Variants in FMN1 observed in about 807,000 individuals in gnomAD.
FMN1 encodes the protein formin 1, also known as formin-1.
In FMN1, 110 loss-of-function variants were observed where a neutral mutation model predicts 132.4. The observed-to-expected ratio is 0.83, with a 90% CI of 0.71 to 0.97. FMN1 has a LOEUF of 0.97. Ranked by LOEUF, FMN1 falls within the 50% of genes least tolerant of loss-of-function variation. The pLI, the probability that FMN1 is intolerant of heterozygous loss-of-function variation, is 0.00. For missense variants in FMN1, 1,792 were observed against 1,705.3 expected, an observed-to-expected ratio of 1.05 and a Z score of -0.90; for synonymous variants, 722 against 651.7, an observed-to-expected ratio of 1.11 and a Z score of -1.64.
At chr15:32,905,330 G>A (rs1023113952) in intron 12 of FMN1, among the ~76,000 whole-genome samples, 1 of 152,228 alleles carries the variant, frequency 6.6e-6, no homozygotes, top group African/African-American at 2.4e-5. Flanking sequence ...TAGCATAACT[G>A]AATGTTGCAA....
At chr15:32,785,042 G>A (rs934618639) in intron 19 of FMN1, among the ~76,000 whole-genome samples, 6 of 150,690 alleles carry the variant, frequency 4.0e-5, no homozygotes, top group African/African-American at 9.7e-5. Flanking sequence ...GCTCATCCTC[G>A]TTTCCTTTCT....
rs1277283079 is a variant in FMN1, at chr15:32,950,000, TACAC to T, written c.3138+14103_3138+14106del. On this transcript the variant is annotated intron_variant, in intron 9 of 20. Transcript: ENST00000616417. ...ATATACACACACATATATATACACA[TACAC>T]ATATATATATACACATATATATATA... Among the ~76,000 whole-genome samples, 57 of 20,530 alleles carry T rather than the reference TACAC, an allele frequency of 2.8e-3. 3 individuals carry two copies. The highest frequency in any genetic ancestry group is 7.4e-3 in the African/African-American group (28 of 3,800). The allele number at this position is 20,530 out of a possible 152,430, so 13.5% of individuals were successfully genotyped here.
At chr15:33,108,499 A>T (rs978822529) in intron 4 of FMN1, among the ~76,000 whole-genome samples, 1 of 151,670 alleles carries the variant, frequency 6.6e-6, no homozygotes, top group African/African-American at 2.4e-5. Context: ...TGCAAGGTAG[A>T]TAACATAATT....
intron 20 of FMN1, among the ~76,000 whole-genome samples, chr15:32,774,859 A>G (rs529037513): frequency 2.0e-5 from 3 of 152,320 alleles, no homozygotes; most frequent in African/African-American, 7.2e-5. Flanking sequence ...CCGATTTGCC[A>G]TGGATGTTAT....
chr15:32,868,983 GGCCAGGAGTTAGTA>G (rs769202846), intron 16 of FMN1, among the ~76,000 whole-genome samples: 7 of 152,110 alleles, frequency 4.6e-5, no homozygotes, highest in Non-Finnish European at 8.8e-5. Flanking sequence ...TTTCAGACTG[GGCCAGGAGTTAGTA>G]GCCAGGAAAG....
At chr15:32,847,288 A>ATGTGTG (rs35960980) in intron 17 of FMN1, among the ~76,000 whole-genome samples, 13 of 112,168 alleles carry the variant, frequency 1.2e-4, no homozygotes, top group Non-Finnish European at 1.5e-4. Context: ...GTGTGTGTGT[A>ATGTGTG]TGTGTGTGTG....
intron 9 of FMN1, among the ~76,000 whole-genome samples, chr15:32,943,513 G>C (rs538527462): frequency 1.3e-5 from 2 of 152,294 alleles, no homozygotes; most frequent in East Asian, 3.9e-4. Flanking sequence ...CCACTTCTAA[G>C]TCATGGGCTT....
intron 18 of FMN1, among the ~76,000 whole-genome samples, chr15:32,803,906 C>G (rs2141003256): frequency 1.3e-5 from 2 of 152,302 alleles, no homozygotes; most frequent in South Asian, 4.1e-4. Context: ...TGCTACAGTG[C>G]TTTCACTCCA....
chr15:32,811,551 C>A (rs1165367021), intron 17 of FMN1, among the ~76,000 whole-genome samples: 2 of 151,878 alleles, frequency 1.3e-5, no homozygotes, highest in African/African-American at 4.8e-5. Context: ...AAAAAAAATC[C>A]AGTTAAAAGG....
At chr15:33,116,255 T>C (rs1190217508) in intron 4 of FMN1, among the ~76,000 whole-genome samples, 1 of 152,116 alleles carries the variant, frequency 6.6e-6, no homozygotes, top group Non-Finnish European at 1.5e-5. Flanking sequence ...CTACTTTCCT[T>C]TATACCTGTT....
At chr15:33,001,444 C>T (rs1310592574) in intron 7 of FMN1, among the ~76,000 whole-genome samples, 1 of 152,114 alleles carries the variant, frequency 6.6e-6, no homozygotes, top group African/African-American at 2.4e-5. Flanking sequence ...AAATCTCCAG[C>T]GGGAGGGTGG....
intron 6 of FMN1, among the ~76,000 whole-genome samples, chr15:33,036,768 T>G (rs1230324567): frequency 1.3e-5 from 2 of 152,242 alleles, no homozygotes; most frequent in Non-Finnish European, 2.9e-5. Flanking sequence ...TTCCAAGGGC[T>G]TGGCAGATGA....
chr15:32,835,374 T>C (rs2058599128), intron 17 of FMN1, among the ~76,000 whole-genome samples: 1 of 152,242 alleles, frequency 6.6e-6, no homozygotes, highest in Non-Finnish European at 1.5e-5. Context: ...TATCTTTTTC[T>C]TCCTGGCTTA....
chr15:33,062,709 G>T (rs1033028965), intron 6 of FMN1: 3 of 152,034 alleles, frequency 2.0e-5, no homozygotes, highest in African/African-American at 7.2e-5. Context: ...TAAATTCATA[G>T]GCCTAGTTTC....
intron 5 of FMN1, among the ~76,000 whole-genome samples, chr15:33,084,556 G>T (rs895986776): frequency 6.6e-6 from 1 of 152,130 alleles, no homozygotes; most frequent in African/African-American, 2.4e-5. Context: ...CAGGCAATTG[G>T]GGAATTGCTT....
At chr15:32,857,311 C>T (rs1013043268) in intron 16 of FMN1, among the ~76,000 whole-genome samples, 1 of 152,130 alleles carries the variant, frequency 6.6e-6, no homozygotes, top group Non-Finnish European at 1.5e-5. Context: ...GTTCATTCTA[C>T]ACCACTCTTG....
At chr15:32,894,878 T>G (rs2060117460) in intron 15 of FMN1, among the ~76,000 whole-genome samples, 1 of 151,658 alleles carries the variant, frequency 6.6e-6, no homozygotes, top group African/African-American at 2.4e-5. Flanking sequence ...TACTACATAT[T>G]TGGTATTATA....
At chr15:33,005,645 T>G (rs943999525) in intron 7 of FMN1, among the ~76,000 whole-genome samples, 2 of 122,576 alleles carry the variant, frequency 1.6e-5, no homozygotes, top group African/African-American at 2.5e-5. Context: ...ACCAAGAATA[T>G]TATTCCACTG....
intron 17 of FMN1, among the ~76,000 whole-genome samples, chr15:32,836,377 C>CT (rs1408026852): frequency 6.6e-6 from 1 of 152,098 alleles, no homozygotes; most frequent in Non-Finnish European, 1.5e-5. Flanking sequence ...TCATAATTTA[C>CT]TTTTATTTAG....
Sources: gnomAD v4.1 joint callset for allele counts (sites outside exome capture counted in the v4.1 genomes callset) on GRCh38, gnomAD v4.1.1 for gene constraint, MANE v1.5 for transcripts, NCBI Gene and HGNC (gene_info 2026-07-23, HGNC 2026-07-21) for gene names.